The following WBP2 variants were observed in gnomAD, a reference collection of about 807,000 sequenced individuals.
WBP2 encodes the protein WW domain-binding protein 2.
In WBP2, 23 loss-of-function variants were observed where a neutral mutation model predicts 33.0. The ratio of observed to expected loss-of-function variants is 0.70; its 90% CI spans 0.50 to 0.99. The LOEUF (loss-of-function observed/expected upper bound fraction) is 0.99, where lower values mean the gene tolerates loss of function less well. Ranked by LOEUF, WBP2 falls within the 50% of genes least tolerant of loss-of-function variation. WBP2 has a pLI of 0.00. For missense variants in WBP2, 353 were observed against 358.0 expected (o/e 0.99, Z 0.11); for synonymous variants, 153 against 133.5 (o/e 1.15, Z -1.01).
At chr17:75,851,834 G>C (rs2065029694) in intron 1 of WBP2, 158 bp from the exon 2 acceptor site, 1 of 519,556 alleles carries the variant, frequency 1.9e-6, no homozygotes, top group Admixed American at 2.6e-5. Context: ...GGGCGCGGTG[G>C]CTCACGCCCG....
rs147416469 is a variant in WBP2, at chr17:75,851,638, T to C, written c.98A>G (p.Asn33Ser). 1.1e-4 allele frequency: 172 copies of C among 1,613,664 alleles called. No individual in the cohort carries two copies. The highest frequency in any genetic ancestry group is 8.4e-4 in the African/African-American group (63 of 74,936). The part of the protein sequence containing the change: ...MSYDHVELTF[N>S]DMKNVPEAFK... ...GGCTTCTGGCACGTTCTTCATGTCA[T>C]TGAATGTGAGTTCCACGTGATCATA... is the stretch of plus-strand genomic sequence containing the variant. Residue 33 changes from asparagine (N) to serine (S), a missense_variant, in exon 2 of 8, where the codon AAT (asparagine) becomes AGT (serine). By Grantham distance (46) the Asn-to-Ser change is conservative. Coordinates refer to ENST00000254806, the MANE Select transcript of WBP2 (RefSeq NM_012478.4).
In WBP2 at chr17:75,847,670, G is replaced by A. The variant is rs537782163; in HGVS notation, c.533-61C>T. 3.7e-6 allele frequency: 6 copies of A among 1,607,542 alleles called. No individual in the cohort carries two copies. In the Admixed American group the frequency reaches 8.5e-5, roughly 23 times the overall value. On this transcript the variant is annotated intron_variant, in intron 5 of 7. Coordinates refer to ENST00000254806, the MANE Select transcript of WBP2 (RefSeq NM_012478.4). ...ACCCGGCTGCGGCCCCCTCCCGGGT[G>A]AGGGGGGCCTCTCCAGCTCCTTCGT...
intron 2 of WBP2, among the ~76,000 whole-genome samples, chr17:75,850,981 TC>T (rs1338025728): frequency 1.3e-5 from 2 of 152,140 alleles, no homozygotes; most frequent in African/African-American, 2.4e-5. Flanking sequence ...GGCATGAGCC[TC>T]CGCACCAGCC....
chr17:75,849,554 G>C (rs1358305042), intron 3 of WBP2, 50 bp downstream of exon 3: 3 of 1,609,208 alleles, frequency 1.9e-6, no homozygotes, highest in Non-Finnish European at 2.5e-6. Context: ...GAGGTTCCCA[G>C]GACACCTCCC....
intron 2 of WBP2, 107 bp from the exon 3 acceptor site, chr17:75,849,846 C>T: frequency 6.9e-7 from 1 of 1,448,672 alleles, no homozygotes; most frequent in Non-Finnish European, 9.4e-7. Flanking sequence ...TGCCAGGGTC[C>T]AGCAGCCCCA....
At chr17:75,851,517 A>G (rs1434651629) in intron 2 of WBP2, 51 bp downstream of exon 2, 2 of 1,424,894 alleles carry the variant, frequency 1.4e-6, no homozygotes, top group Middle Eastern at 1.8e-4. Flanking sequence ...GACTCACGTC[A>G]CCTCCAACAG....
At chr17:75,851,452 T>C (rs535291276) in intron 2 of WBP2, 116 bp downstream of exon 2, 2 of 730,930 alleles carry the variant, frequency 2.7e-6, no homozygotes. Context: ...GCACTAACAC[T>C]CACCAGGATT....
At position 75,847,874 on chromosome 17, in the gene WBP2, C is replaced by A. The variant is rs2065004533; in HGVS notation, c.454G>T (p.Ala152Ser). 7.1e-6 allele frequency: 11 copies of A among 1,556,234 alleles called. No individual in the cohort carries two copies. The highest frequency in any genetic ancestry group is 9.6e-6 in the Non-Finnish European group (11 of 1,149,730). Residue 152 changes from alanine (A) to serine (S), a missense_variant, in exon 5 of 8, where the codon GCC becomes TCC. By Grantham distance (99) the Ala-to-Ser change is moderately conservative. Transcript: ENST00000254806. ...AYGYSYMPSG[A>S]YVYPPPVANG... ...GCGACTGGCGGGGGATAGACATAGGCCCCGCTGGGCATGTAAGAGTAGCCA... is the reference window on the plus strand; with the variant it reads ...GCGACTGGCGGGGGATAGACATAGGACCCGCTGGGCATGTAAGAGTAGCCA...
At chr17:75,854,043 T>TA (rs55857053) in intron 1 of WBP2, among the ~76,000 whole-genome samples, 932 of 55,440 alleles carry the variant, frequency 0.017, 46 homozygotes, top group African/African-American at 0.03. Flanking sequence ...AGCCTCCATC[T>TA]AAAAAAAAAA....
chr17:75,851,766 C>T (rs574250485), intron 1 of WBP2, 90 bp from the exon 2 acceptor site: 4 of 940,698 alleles, frequency 4.3e-6, no homozygotes, highest in African/African-American at 1.6e-5. Context: ...AGCAGCTGCC[C>T]GGCACGTCAG....
Position 75,846,948 on chromosome 17 carries a change from T to C in WBP2, c.692A>G (p.Tyr231Cys), listed in dbSNP as rs781567965. 1.1e-5 allele frequency: 18 copies of C among 1,613,948 alleles called. 1 individual carries two copies. The highest frequency in any genetic ancestry group is 1.6e-4 in the Middle Eastern group (1 of 6,084). Residue 231 changes from tyrosine (Y) to cysteine (C), a missense_variant, in exon 7 of 8, where the codon TAT becomes TGT. Coordinates refer to ENST00000254806, the MANE Select transcript of WBP2 (RefSeq NM_012478.4). This position sits in a 1 kb window ranked among gnomAD's most constrained non-coding sequence, Gnocchi z 4.8. The part of the protein sequence containing the change: ...AKAAEAAASA[Y>C]YNPGNPHNVY... ...GTTGTGAGGATTGCCTGGGTTGTAATAGGCGCTGGCGGCTGCTTCTGCGGC... is the reference window on the plus strand; with the variant it reads ...GTTGTGAGGATTGCCTGGGTTGTAACAGGCGCTGGCGGCTGCTTCTGCGGC...
At chr17:75,847,731 G>T (rs1001847309) in intron 5 of WBP2, 65 bp downstream of exon 5, 17 of 1,539,758 alleles carry the variant, frequency 1.1e-5, no homozygotes, top group Middle Eastern at 3.5e-4. Context: ...AAGTCTCCCT[G>T]GCCTGGGGGG....
upstream of WBP2, among the ~76,000 whole-genome samples, chr17:75,856,089 G>A (rs775219523): frequency 6.6e-6 from 1 of 152,246 alleles, no homozygotes; most frequent in Non-Finnish European, 1.5e-5. Flanking sequence ...CGCCCAGCGG[G>A]GTCCCGGCCG....
chr17:75,849,616 C>A lies in WBP2; in HGVS notation c.292G>T (p.Ala98Ser). Reference protein sequence around the residue: ...GANYIKGTVKAEAGGGWEGSA... With the variant: ...GANYIKGTVKSEAGGGWEGSA... ...TCCCATCACCTACCTCCCGCTTCCG[C>A]CTTCACTGTTCCCTTGATGTAGTTT... Residue 98 changes from alanine (A) to serine (S), a missense_variant, in exon 3 of 8, where the codon GCG (alanine) becomes TCG (serine). Coordinates refer to ENST00000254806, the MANE Select transcript of WBP2 (RefSeq NM_012478.4). 1 of 1,614,080 alleles carries A rather than the reference C, an allele frequency of 6.2e-7. No individual in the cohort carries two copies. Among genetic ancestry groups the A allele is most frequent in the South Asian group, 1.1e-5 (1 of 91,084 alleles).
intron 2 of WBP2, among the ~76,000 whole-genome samples, chr17:75,850,016 G>T (rs967278427): frequency 1.2e-4 from 18 of 152,188 alleles, no homozygotes; most frequent in African/African-American, 3.9e-4. Flanking sequence ...ACGTGGTGGG[G>T]TGGTGGCAGT....
At chr17:75,851,840 G>A (rs1299867247) in intron 1 of WBP2, 164 bp from the exon 2 acceptor site, 6 of 498,290 alleles carry the variant, frequency 1.2e-5, no homozygotes, top group Non-Finnish European at 2.3e-5. Context: ...GGTGGCTCAC[G>A]CCCGTAATCC....
At chr17:75,854,928 G>C (rs2065048442) in intron 1 of WBP2, among the ~76,000 whole-genome samples, 1 of 152,076 alleles carries the variant, frequency 6.6e-6, no homozygotes, top group Non-Finnish European at 1.5e-5. Context: ...ATTTTTGTTT[G>C]GGGCTCCTCC....
chr17:75,847,030 C>A (rs374820918), intron 6 of WBP2, 46 bp from the exon 7 acceptor site: 5 of 1,610,974 alleles, frequency 3.1e-6, no homozygotes, highest in Middle Eastern at 3.3e-4. Context: ...TTCTCCTCCC[C>A]CTGAGCTCAG....
intron 4 of WBP2, 88 bp downstream of exon 4, chr17:75,848,482 A>G: frequency 7.4e-7 from 1 of 1,345,052 alleles, no homozygotes; most frequent in Non-Finnish European, 1.0e-6. Flanking sequence ...TGAGTTCTTG[A>G]AAAAGCAAAA....
Sources: gnomAD v4.1 joint callset for allele counts (sites outside exome capture counted in the v4.1 genomes callset) on GRCh38, gnomAD v4.1.1 for gene constraint, Gnocchi (gnomAD v3.1) non-coding constraint, MANE v1.5 for transcripts, NCBI Gene and HGNC (gene_info 2026-07-23, HGNC 2026-07-21) for gene names.